NEMP2: variants seen among roughly 807,000 people sequenced by gnomAD.
The protein encoded by NEMP2 is nuclear envelope integral membrane protein 2.
NEMP2 carries 53 observed loss-of-function variants against 54.2 expected under a neutral mutation model. That is an observed-to-expected ratio of 0.98 (90% CI 0.78 to 1.23). The LOEUF (loss-of-function observed/expected upper bound fraction) is 1.23, where lower values mean the gene tolerates loss of function less well. Among genes scored for constraint, NEMP2 ranks in the 50% most tolerant of loss-of-function variants. NEMP2 has a pLI of 0.00. For missense variants in NEMP2, 455 were observed against 511.3 expected, an observed-to-expected ratio of 0.89 and a Z score of 1.06; for synonymous variants, 197 against 190.3, an observed-to-expected ratio of 1.04 and a Z score of -0.29.
the NEMP2 span, among the ~76,000 whole-genome samples, chr2:190,449,499 G>A: frequency 6.6e-6 from 1 of 151,974 alleles, no homozygotes; most frequent in Admixed American, 6.6e-5. Flanking sequence ...ATATCAAACT[G>A]TGTCCAACAA....
chr2:190,543,488 G>A, the NEMP2 span, among the ~76,000 whole-genome samples: 1 of 152,206 alleles, frequency 6.6e-6, no homozygotes, highest in Non-Finnish European at 1.5e-5. This position sits in a 1 kb window ranked among gnomAD's most constrained non-coding sequence, Gnocchi z 4.7. Context: ...TCCTGTTCCT[G>A]CCTCAACCCT....
At chr2:190,497,307 C>A in the NEMP2 span, 1 of 987,902 alleles carries the variant, frequency 1.0e-6, no homozygotes, top group Non-Finnish European at 1.5e-6. This position sits in a 1 kb window ranked among gnomAD's most constrained non-coding sequence, Gnocchi z 5.2. Flanking sequence ...CATTGGTAAC[C>A]AGCAATTTAT....
At chr2:190,434,159 T>A in the NEMP2 span, among the ~76,000 whole-genome samples, 1 of 143,532 alleles carries the variant, frequency 7.0e-6, no homozygotes, top group Non-Finnish European at 1.5e-5. The surrounding 1 kb of genome is among the most constrained non-coding windows in gnomAD (Gnocchi z 4.3). Flanking sequence ...CCAGCCTGGG[T>A]GACAGAGTAA....
At chr2:190,518,832 C>T (rs575756938) in intron 3 of NEMP2, 24 bp from the exon 4 acceptor site, 1 of 1,531,142 alleles carries the variant, frequency 6.5e-7, no homozygotes, top group South Asian at 1.3e-5. Context: ...GACACACAAA[C>T]ACATAACAAA....
chr2:190,571,598 C>G, the NEMP2 span, among the ~76,000 whole-genome samples: 2 of 151,960 alleles, frequency 1.3e-5, no homozygotes, highest in African/African-American at 4.8e-5. Context: ...TCATAAGTAG[C>G]TGTGACAATC....
At chr2:190,500,147 C>A, downstream of NEMP2, 1 of 1,614,190 alleles carries the variant, frequency 6.2e-7, no homozygotes, top group South Asian at 1.1e-5. The surrounding 1 kb of genome is among the most constrained non-coding windows in gnomAD (Gnocchi z 5.3). Flanking sequence ...CAGCCCCGCT[C>A]ACCCCAGTGT....
chr2:190,455,887 G>A, the NEMP2 span, among the ~76,000 whole-genome samples: 10 of 147,920 alleles, frequency 6.8e-5, no homozygotes, highest in African/African-American at 2.5e-4. Flanking sequence ...AGTTCAAGTT[G>A]ACAGGTTTGA....
the NEMP2 span, among the ~76,000 whole-genome samples, chr2:190,471,336 C>T: frequency 6.6e-6 from 1 of 152,204 alleles, no homozygotes; most frequent in African/African-American, 2.4e-5. The surrounding 1 kb of genome is among the most constrained non-coding windows in gnomAD (Gnocchi z 4.7). Context: ...AATTCCCTTT[C>T]CTAGCCGAGG....
At chr2:190,637,186 C>A in the NEMP2 span, among the ~76,000 whole-genome samples, 1 of 152,316 alleles carries the variant, frequency 6.6e-6, no homozygotes, top group East Asian at 1.9e-4. The surrounding 1 kb of genome is among the most constrained non-coding windows in gnomAD (Gnocchi z 4.5). Context: ...ACAGTAAGTA[C>A]AGAAAGCATA....
chr2:190,494,035 A>G, the NEMP2 span, among the ~76,000 whole-genome samples: 5 of 152,020 alleles, frequency 3.3e-5, no homozygotes, highest in African/African-American at 7.2e-5. This position sits in a 1 kb window ranked among gnomAD's most constrained non-coding sequence, Gnocchi z 5.7. Flanking sequence ...AAATTGAAGG[A>G]AAAAAAATAC....
At chr2:190,501,981 A>G (rs1128723), downstream of NEMP2, 26,099 of 152,616 alleles carry the variant, frequency 0.17, 2,385 homozygotes, top group East Asian at 0.3. Context: ...CTTGTACTGT[A>G]TCTTGTGTTT....
the NEMP2 span, among the ~76,000 whole-genome samples, chr2:190,555,066 C>T: frequency 6.6e-6 from 1 of 151,438 alleles, no homozygotes; most frequent in Non-Finnish European, 1.5e-5. The surrounding 1 kb of genome is among the most constrained non-coding windows in gnomAD (Gnocchi z 4.8). Flanking sequence ...AGCAGACCTG[C>T]AGCAGAGGGG....
At chr2:190,601,020 C>T in the NEMP2 span, among the ~76,000 whole-genome samples, 2 of 152,036 alleles carry the variant, frequency 1.3e-5, no homozygotes, top group African/African-American at 2.4e-5. This position sits in a 1 kb window ranked among gnomAD's most constrained non-coding sequence, Gnocchi z 5.8. Flanking sequence ...AATTGTATCT[C>T]CCTAAAATTC....
At chr2:190,453,857 G>A in the NEMP2 span, among the ~76,000 whole-genome samples, 2 of 152,168 alleles carry the variant, frequency 1.3e-5, no homozygotes, top group South Asian at 4.1e-4. Context: ...AACTGAGAAA[G>A]AAAACAAGAC....
At chr2:190,592,125 T>G in the NEMP2 span, among the ~76,000 whole-genome samples, 1 of 152,056 alleles carries the variant, frequency 6.6e-6, no homozygotes, top group Admixed American at 6.6e-5. This position sits in a 1 kb window ranked among gnomAD's most constrained non-coding sequence, Gnocchi z 4.4. Context: ...CCCCCAGAGG[T>G]GCAGGGGGGA....
the NEMP2 span, chr2:190,437,350 C>T: frequency 1.2e-6 from 2 of 1,614,274 alleles, no homozygotes; most frequent in Non-Finnish European, 1.7e-6. This position sits in a 1 kb window ranked among gnomAD's most constrained non-coding sequence, Gnocchi z 5.9. Context: ...CTTAATCAAG[C>T]TGCTCTGCAG....
chr2:190,433,067 A>G, the NEMP2 span, among the ~76,000 whole-genome samples: 2 of 152,120 alleles, frequency 1.3e-5, no homozygotes, highest in Non-Finnish European at 2.9e-5. This position sits in a 1 kb window ranked among gnomAD's most constrained non-coding sequence, Gnocchi z 4.5. Flanking sequence ...TTTTATTGCT[A>G]TTATGTGCCC....
chr2:190,559,874 A>G, the NEMP2 span, among the ~76,000 whole-genome samples: 1 of 152,308 alleles, frequency 6.6e-6, no homozygotes, highest in South Asian at 2.1e-4. This position sits in a 1 kb window ranked among gnomAD's most constrained non-coding sequence, Gnocchi z 4.0. Context: ...TCTGTCAGCC[A>G]TTGCAGAGTT....
the NEMP2 span, among the ~76,000 whole-genome samples, chr2:190,496,621 T>C: frequency 2.0e-5 from 3 of 152,104 alleles, no homozygotes; most frequent in Non-Finnish European, 4.4e-5. This position sits in a 1 kb window ranked among gnomAD's most constrained non-coding sequence, Gnocchi z 4.7. Flanking sequence ...AGTGTGTGTA[T>C]GTATGTATAT....
Sources: gnomAD v4.1 joint callset for allele counts (sites outside exome capture counted in the v4.1 genomes callset) on GRCh38, gnomAD v4.1.1 for gene constraint, Gnocchi (gnomAD v3.1) non-coding constraint, MANE v1.5 for transcripts, NCBI Gene and HGNC (gene_info 2026-07-23, HGNC 2026-07-21) for gene names.